The following PVT1 variants were observed in gnomAD, a reference collection of about 807,000 sequenced individuals.
The protein encoded by PVT1 is Pvt1 oncogene.
intron 5 of PVT1, among the ~76,000 whole-genome samples, chr8:128,075,679 G>A (rs899133980): frequency 6.6e-6 from 1 of 152,072 alleles, no homozygotes; most frequent in African/African-American, 2.4e-5. Context: ...GTACTATTGT[G>A]TACACCTCTG....
At chr8:127,836,422 C>A (rs570759542) in intron 2 of PVT1, among the ~76,000 whole-genome samples, 1 of 152,280 alleles carries the variant, frequency 6.6e-6, no homozygotes, top group South Asian at 2.1e-4. Flanking sequence ...TTAAGCCCAG[C>A]ATGCATTAGC....
chr8:127,825,117 T>TAAAAAAAAAAAAAAAAAAAAA (rs58377389), intron 2 of PVT1, among the ~76,000 whole-genome samples: 1 of 81,056 alleles, frequency 1.2e-5, no homozygotes, highest in African/African-American at 4.9e-5. Flanking sequence ...AAACACTAGC[T>TAAAAAAAAAAAAAAAAAAAAA]AAAAAAAAAA....
At chr8:127,827,072 C>T (rs892184644) in intron 2 of PVT1, among the ~76,000 whole-genome samples, 8 of 143,782 alleles carry the variant, frequency 5.6e-5, no homozygotes, top group Admixed American at 2.3e-4. Flanking sequence ...CTTGGCTCAC[C>T]GTAATCTCCG....
At chr8:128,004,129 A>G (rs1430328674) in intron 4 of PVT1, among the ~76,000 whole-genome samples, 2 of 152,204 alleles carry the variant, frequency 1.3e-5, no homozygotes, top group East Asian at 3.8e-4. Context: ...TATCTCCAAT[A>G]AAGTCACCTT....
intron 2 of PVT1, among the ~76,000 whole-genome samples, chr8:127,802,623 C>T (rs546383368): frequency 6.6e-6 from 1 of 152,274 alleles, no homozygotes; most frequent in South Asian, 2.1e-4. Context: ...TTTTTTCTAA[C>T]TTTATGGCTA....
At chr8:127,959,058 T>G in intron 3 of PVT1, among the ~76,000 whole-genome samples, 1 of 150,976 alleles carries the variant, frequency 6.6e-6, no homozygotes, top group African/African-American at 2.4e-5. Flanking sequence ...TGGGGTGGGG[T>G]AGGTGGGCTC....
At chr8:127,846,426 C>T (rs191702315) in intron 2 of PVT1, among the ~76,000 whole-genome samples, 1 of 152,298 alleles carries the variant, frequency 6.6e-6, no homozygotes, top group Admixed American at 6.5e-5. Flanking sequence ...CCTAAGTGAG[C>T]TTTTCCTTTC....
In PVT1 at chr8:127,819,805, C is replaced by T. The variant is rs532192273; in HGVS notation, n.372+23734C>T. Among the ~76,000 whole-genome samples the T allele has an allele frequency of 1.6e-4, 24 of 152,310 alleles. No individual in the cohort carries two copies. The South Asian group carries it at 4.6e-3, about 29-fold the overall frequency. ...TTTTCCTGGAATCCTAGACTCTTAACATTGGAAAGGATTTCTTTGCCAAGT... is the reference window on the plus strand; with the variant it reads ...TTTTCCTGGAATCCTAGACTCTTAATATTGGAAAGGATTTCTTTGCCAAGT... On this transcript the variant is annotated intron_variant and non_coding_transcript_variant, in intron 2 of 10. Transcript: ENST00000651587.
intron 2 of PVT1, among the ~76,000 whole-genome samples, chr8:127,803,845 C>T (rs540130403): frequency 7.8e-4 from 119 of 152,054 alleles, no homozygotes; most frequent in African/African-American, 2.7e-3. Context: ...CTCAGCCTTC[C>T]GAGTAGCTGG....
intron 4 of PVT1, among the ~76,000 whole-genome samples, chr8:128,047,294 T>C (rs1444202050): frequency 1.3e-5 from 2 of 152,150 alleles, no homozygotes; most frequent in Non-Finnish European, 1.5e-5. Flanking sequence ...AGAAGAGAGG[T>C]TGGTGTCTTG....
At chr8:128,014,024 G>A (rs1817343813) in intron 4 of PVT1, among the ~76,000 whole-genome samples, 1 of 152,224 alleles carries the variant, frequency 6.6e-6, no homozygotes, top group South Asian at 2.1e-4. Context: ...TGTAGCTGCT[G>A]TAATAGCTGT....
At chr8:127,908,249 C>A (rs1815846657) in intron 3 of PVT1, among the ~76,000 whole-genome samples, 1 of 151,974 alleles carries the variant, frequency 6.6e-6, no homozygotes, top group Non-Finnish European at 1.5e-5. Context: ...CGTTGGTCGG[C>A]CGTGAGGAGG....
At chr8:128,002,836 C>T (rs1817195961) in intron 4 of PVT1, among the ~76,000 whole-genome samples, 1 of 152,202 alleles carries the variant, frequency 6.6e-6, no homozygotes, top group Non-Finnish European at 1.5e-5. Context: ...AAACCCACAA[C>T]AGAGTATAAG....
At chr8:127,951,447 C>T (rs1816504356) in intron 3 of PVT1, among the ~76,000 whole-genome samples, 2 of 152,156 alleles carry the variant, frequency 1.3e-5, no homozygotes, top group South Asian at 2.1e-4. Context: ...ATGCAGGCCT[C>T]AGGCTGATCA....
chr8:127,810,643 T>C (rs1331698346), intron 2 of PVT1, among the ~76,000 whole-genome samples: 8 of 152,164 alleles, frequency 5.3e-5, no homozygotes, highest in African/African-American at 1.9e-4. Flanking sequence ...GGGGTGTGAA[T>C]ATTTTTGAAG....
intron 3 of PVT1, among the ~76,000 whole-genome samples, chr8:127,923,697 A>G (rs1453110363): frequency 6.6e-6 from 1 of 152,108 alleles, no homozygotes; most frequent in Non-Finnish European, 1.5e-5. Context: ...GTCTTGTTCC[A>G]CGGGAGCTGG....
chr8:128,030,587 T>A (rs1369684564), intron 4 of PVT1, among the ~76,000 whole-genome samples: 3 of 152,192 alleles, frequency 2.0e-5, no homozygotes, highest in Non-Finnish European at 2.9e-5. Flanking sequence ...ATCCAGAAGC[T>A]TCTCTGGGAA....
chr8:127,928,810 C>T (rs1308806495), intron 3 of PVT1, among the ~76,000 whole-genome samples: 1 of 152,224 alleles, frequency 6.6e-6, no homozygotes, highest in Non-Finnish European at 1.5e-5. Context: ...CCGAGGCAGC[C>T]CTCCAAATAC....
intron 4 of PVT1, among the ~76,000 whole-genome samples, chr8:128,055,015 C>G (rs895907497): frequency 6.6e-6 from 1 of 152,300 alleles, no homozygotes. Flanking sequence ...AATTCTGCCT[C>G]CAGGATGCCT....
Sources: allele counts gnomAD v4.1 joint callset (sites outside exome capture counted in the v4.1 genomes callset), GRCh38; gene constraint gnomAD v4.1.1; transcripts MANE v1.5; gene names NCBI Gene and HGNC (gene_info 2026-07-23, HGNC 2026-07-21).